Variants in C7orf78 observed in about 807,000 individuals in gnomAD.
C7orf78 encodes chromosome 7 open reading frame 78, also known as putative uncharacterized protein C7orf78.
At chr7:12,536,129 C>A in the C7orf78 span, among the ~76,000 whole-genome samples, 1 of 152,214 alleles carries the variant, frequency 6.6e-6, no homozygotes, top group South Asian at 2.1e-4. Context: ...GGGGCTCCCA[C>A]AGCACATTAC....
the C7orf78 span, chr7:12,525,960 T>A: frequency 5.1e-6 from 2 of 394,878 alleles, no homozygotes; most frequent in Non-Finnish European, 8.9e-6. Context: ...TCCATATTAG[T>A]AGTAGTAAAT....
the C7orf78 span, among the ~76,000 whole-genome samples, chr7:12,488,033 C>T: frequency 2.6e-5 from 4 of 151,976 alleles, no homozygotes; most frequent in Admixed American, 2.6e-4. Context: ...ACAAGAAACC[C>T]TCTACTGGAA....
chr7:12,504,419 T>A, the C7orf78 span: 1 of 152,206 alleles, frequency 6.6e-6, no homozygotes, highest in African/African-American at 2.4e-5. Flanking sequence ...GAGCAAAACT[T>A]AAATATACTT....
chr7:12,539,722 G>C, the C7orf78 span, among the ~76,000 whole-genome samples: 1 of 152,194 alleles, frequency 6.6e-6, no homozygotes, highest in African/African-American at 2.4e-5. Context: ...AGGTGCTGCA[G>C]TCAAGGAGAT....
At chr7:12,519,549 A>G in the C7orf78 span, among the ~76,000 whole-genome samples, 4 of 152,198 alleles carry the variant, frequency 2.6e-5, no homozygotes, top group African/African-American at 9.6e-5. Context: ...ATGTAGAGGG[A>G]AAGATCCCAC....
chr7:12,500,718 C>G, the C7orf78 span, among the ~76,000 whole-genome samples: 1 of 151,820 alleles, frequency 6.6e-6, no homozygotes, highest in African/African-American at 2.4e-5. Flanking sequence ...GAATCCTCCC[C>G]AACTCATTTT....
chr7:12,500,489 A>G, the C7orf78 span, among the ~76,000 whole-genome samples: 1 of 150,488 alleles, frequency 6.6e-6, no homozygotes, highest in African/African-American at 2.5e-5. Context: ...GAAGAAATGG[A>G]TAAATTCCTT....
At chr7:12,539,081 G>A in the C7orf78 span, among the ~76,000 whole-genome samples, 5,100 of 152,216 alleles carry the variant, frequency 0.034, 134 homozygotes, top group Middle Eastern at 0.058. Context: ...GCTTTGCAGG[G>A]ATTACCTTAT....
the C7orf78 span, among the ~76,000 whole-genome samples, chr7:12,534,607 T>A: frequency 6.6e-6 from 1 of 152,078 alleles, no homozygotes; most frequent in Non-Finnish European, 1.5e-5. Flanking sequence ...TTTATATTAA[T>A]AATATATAAA....
At chr7:12,495,597 A>G in the C7orf78 span, among the ~76,000 whole-genome samples, 3 of 152,222 alleles carry the variant, frequency 2.0e-5, no homozygotes, top group African/African-American at 7.2e-5. Context: ...CTGTTTAGCT[A>G]CATTATGGCA....
the C7orf78 span, chr7:12,491,481 G>C: frequency 6.6e-6 from 1 of 152,110 alleles, no homozygotes; most frequent in African/African-American, 2.4e-5. Context: ...GGATCCCAAA[G>C]TTAATACCTT....
At chr7:12,534,977 G>GGGAGGGAAGGAAGGAA in the C7orf78 span, among the ~76,000 whole-genome samples, 1 of 130,372 alleles carries the variant, frequency 7.7e-6, no homozygotes, top group African/African-American at 2.9e-5. Context: ...GAAGGAAGGA[G>GGGAGGGAAGGAAGGAA]GGAAGGAAGG....
the C7orf78 span, among the ~76,000 whole-genome samples, chr7:12,494,380 G>C: frequency 6.6e-6 from 1 of 152,136 alleles, no homozygotes; most frequent in African/African-American, 2.4e-5. Context: ...AGTCAAGGGA[G>C]CATATTTTAA....
At chr7:12,519,554 T>G in the C7orf78 span, among the ~76,000 whole-genome samples, 1 of 152,106 alleles carries the variant, frequency 6.6e-6, no homozygotes. Flanking sequence ...GAGGGAAAGA[T>G]CCCACTCTCT....
chr7:12,534,914 T>G, the C7orf78 span, among the ~76,000 whole-genome samples: 2 of 150,314 alleles, frequency 1.3e-5, no homozygotes, highest in Non-Finnish European at 2.9e-5. Flanking sequence ...TCCACTGCAT[T>G]CCGGCCTGGG....
chr7:12,508,478 G>T, the C7orf78 span, among the ~76,000 whole-genome samples: 1 of 152,062 alleles, frequency 6.6e-6, no homozygotes, highest in Non-Finnish European at 1.5e-5. Flanking sequence ...TGAAAACATG[G>T]TTATATTAGA....
the C7orf78 span, among the ~76,000 whole-genome samples, chr7:12,529,870 C>T: frequency 2.6e-5 from 4 of 152,244 alleles, no homozygotes; most frequent in Admixed American, 2.6e-4. Context: ...CAGGACTACC[C>T]ATAGGCAGTG....
chr7:12,511,359 C>G, the C7orf78 span, among the ~76,000 whole-genome samples: 3 of 152,038 alleles, frequency 2.0e-5, no homozygotes, highest in African/African-American at 7.2e-5. Context: ...ATTACTTTGG[C>G]AATTTGGGAT....
the C7orf78 span, among the ~76,000 whole-genome samples, chr7:12,493,174 C>T: frequency 6.6e-5 from 10 of 152,074 alleles, no homozygotes; most frequent in East Asian, 1.9e-4. Context: ...CTAGCCTGGG[C>T]GGCAGAGCAA....
Sources: allele counts gnomAD v4.1 joint callset (sites outside exome capture counted in the v4.1 genomes callset), GRCh38; gene constraint gnomAD v4.1.1; transcripts MANE v1.5; gene names NCBI Gene and HGNC (gene_info 2026-07-23, HGNC 2026-07-21).